The following TRRAP variants were observed in gnomAD, a reference collection of about 807,000 sequenced individuals.
TRRAP encodes the protein transformation/transcription domain-associated protein.
A neutral mutation model predicts 438.8 loss-of-function variants in TRRAP; 41 were observed. The observed-to-expected ratio is 0.09, with a 90% CI of 0.07 to 0.12. The LOEUF is 0.12. TRRAP is among the 10% of genes least tolerant of loss of function. TRRAP has a pLI of 1.00. For missense variants in TRRAP, 3,122 were observed against 5,055.1 expected (o/e 0.62, Z 11.60); for synonymous variants, 1,994 against 1,962.9 (o/e 1.02, Z -0.42).
rs145546736 is a variant in TRRAP at position 98,907,441 on chromosome 7, C to T, written c.1115+1186C>T. Among the ~76,000 whole-genome samples, 293 of 152,178 alleles carry T rather than the reference C, an allele frequency of 1.9e-3. 2 individuals carry two copies. Among genetic ancestry groups the T allele is most frequent in the South Asian group, 8.1e-3 (39 of 4,814 alleles). Reference sequence around the variant, plus strand: ...CATATTTTACTTCCAATAAGGAAGGCGTGATGGATCTTTTAAAAAATGTTT... The same window carrying T: ...CATATTTTACTTCCAATAAGGAAGGTGTGATGGATCTTTTAAAAAATGTTT... On this transcript the variant is annotated intron_variant, in intron 13 of 72. Transcript: ENST00000456197.
Position 98,930,637 on chromosome 7 carries a change from G to C in TRRAP, c.3398G>C (p.Cys1133Ser), listed in dbSNP as rs1554412631. The change falls in exon 25 of 73, where the codon TGC becomes TCC. Residue 1133 changes from cysteine (C) to serine (S), a missense_variant. This residue lies in a region of TRRAP where 153 missense variants were observed against 223.0 expected (regional missense o/e 0.69). Transcript: ENST00000456197. ...SIILGSKERA[C>S]QLPLFSYIVE... ...TTTGTTCATTTTCCTCTCCAGGCCTGCCAGCTGCCCCTGTTTTCTTACATC... is the reference window on the plus strand; with the variant it reads ...TTTGTTCATTTTCCTCTCCAGGCCTCCCAGCTGCCCCTGTTTTCTTACATC... The C allele has an allele frequency of 6.2e-7, 1 of 1,613,360 alleles. No individual in the cohort carries two copies. The highest frequency in any genetic ancestry group is 1.3e-5 in the African/African-American group (1 of 74,912).
intron 65 of TRRAP, 21 bp from the exon 66 acceptor site, chr7:98,993,517 C>T (rs1404141130): frequency 3.1e-6 from 5 of 1,605,208 alleles, no homozygotes; most frequent in African/African-American, 1.3e-5. Context: ...CTGACACTGG[C>T]GTTGTGTGTG....
rs758396439 is a variant in TRRAP at position 98,897,791 on chromosome 7, C to G, written c.558C>G (p.Pro186=). 5.0e-6 allele frequency: 8 copies of G among 1,613,912 alleles called. No individual in the cohort carries two copies. The highest frequency in any genetic ancestry group is 6.8e-6 in the Non-Finnish European group (8 of 1,179,956). Residue 186 remains proline, a synonymous_variant, in exon 8 of 73, where the codon CCC becomes CCG. Coordinates refer to ENST00000456197, the MANE Select transcript of TRRAP (RefSeq NM_001375524.1). ...PQVIPENTVP[P]PEMVGMITTI... is the part of the protein sequence containing the mutation. ...TGATCCCCGAGAACACAGTGCCTCC[C>G]CCAGAAATGGTTGGTATGATAACAA...
chr7:98,890,816 G>A (rs749243853), intron 4 of TRRAP, among the ~76,000 whole-genome samples: 1 of 129,706 alleles, frequency 7.7e-6, no homozygotes, highest in Admixed American at 8.4e-5. Context: ...AAAAGACAAG[G>A]TCTCACTCTG....
chr7:98,958,032 C>T lies in TRRAP; in HGVS notation c.6283C>T (p.Pro2095Ser). The stretch of plus-strand genomic sequence containing the variant: ...TGGAGCAGACTCTCTCCTCGCCAAG[C>T]CCATTGACAAGCAGCACACAGACAC... ...LPGADSLLAK[P>S]IDKQHTDTVV... The change falls in exon 44 of 73, where the codon CCC (proline) becomes TCC (serine). Residue 2095 changes from proline to serine, a missense_variant. Around this residue, in one of 24 missense-constraint regions of TRRAP, gnomAD observed 992 missense variants for 1,281.2 expected, o/e 0.77. Transcript: ENST00000456197. 6.2e-7 allele frequency: 1 copy of T among 1,614,200 alleles called. No individual in the cohort carries two copies.
rs562530013 is a variant in TRRAP, at chr7:98,977,064, G to C, written c.8373G>C (p.Gly2791=). The change falls in exon 56 of 73, where the codon GGG becomes GGC. Residue 2791 remains glycine, a synonymous_variant. Coordinates refer to ENST00000456197, the MANE Select transcript of TRRAP (RefSeq NM_001375524.1). ...TATAIAYEQH[G]FFEQAQESYE... ...CTGCGATTGCTTACGAGCAGCACGG[G>C]TTCTTTGAGCAGGTAAACCTCAGAC... The C allele has an allele frequency of 6.2e-7, 1 of 1,614,224 alleles. No homozygotes were observed. The highest frequency in any genetic ancestry group is 1.1e-5 in the South Asian group (1 of 91,088).
intron 10 of TRRAP, among the ~76,000 whole-genome samples, chr7:98,900,277 G>A (rs1796416748): frequency 1.3e-5 from 2 of 152,102 alleles, no homozygotes. Flanking sequence ...CAGCATCTGA[G>A]GAGGAATCTT....
chr7:98,943,671 T>C (rs529721138), intron 31 of TRRAP, among the ~76,000 whole-genome samples: 1 of 152,274 alleles, frequency 6.6e-6, no homozygotes, highest in Non-Finnish European at 1.5e-5. Flanking sequence ...CTCTTAAGAA[T>C]GCATGCTTTC....
intron 29 of TRRAP, 40 bp downstream of exon 29, chr7:98,937,317 CACACACATGTGTGTGT>C (rs1554414512): frequency 1.9e-6 from 3 of 1,593,368 alleles, no homozygotes; most frequent in Admixed American, 3.6e-5. Flanking sequence ...CGCGTGTGTG[CACACACATGTGTGTGT>C]ACTCTGCATT....
At chr7:98,898,945 C>G (rs1042968237) in intron 8 of TRRAP, among the ~76,000 whole-genome samples, 4 of 152,130 alleles carry the variant, frequency 2.6e-5, no homozygotes, top group Non-Finnish European at 4.4e-5. Flanking sequence ...CCCAGCACTT[C>G]GGGAGACCAA....
At chr7:98,997,013 G>T (rs769471627) in intron 67 of TRRAP, among the ~76,000 whole-genome samples, 18 of 152,002 alleles carry the variant, frequency 1.2e-4, no homozygotes, top group Non-Finnish European at 2.2e-4. Context: ...TACAAAAAAA[G>T]AGTATGTTCT....
At chr7:98,982,426 G>T (rs1343138385) in intron 59 of TRRAP, among the ~76,000 whole-genome samples, 1 of 152,202 alleles carries the variant, frequency 6.6e-6, no homozygotes, top group Non-Finnish European at 1.5e-5. Flanking sequence ...TGAACTAAGT[G>T]TTATGTTTAG....
At position 99,005,918 on chromosome 7, in the gene TRRAP, C is replaced by T. The variant is rs1438126776; in HGVS notation, c.10753+570C>T. 6.6e-6 allele frequency among the ~76,000 whole-genome samples: 1 copy of T among 152,124 alleles called. No individual in the cohort carries two copies. On this transcript the variant is annotated intron_variant, in intron 69 of 72. Transcript: ENST00000456197. The surrounding 1 kb of genome is among the most constrained non-coding windows in gnomAD (Gnocchi z 5.1). ...GCTGGGAGGAGAAGTGAAACCACCCCGGCCGAGCCTGGGCGCCAGCGAGGC... is the reference window on the plus strand; with the variant it reads ...GCTGGGAGGAGAAGTGAAACCACCCTGGCCGAGCCTGGGCGCCAGCGAGGC...
chr7:98,964,607 C>T (rs1792069073), intron 47 of TRRAP, 22 bp from the exon 48 acceptor site: 2 of 1,603,714 alleles, frequency 1.2e-6, no homozygotes, highest in African/African-American at 1.3e-5. Context: ...CTGTGAAACA[C>T]TTGGCAATTT....
intron 56 of TRRAP, among the ~76,000 whole-genome samples, chr7:98,977,469 A>AT (rs1490263206): frequency 6.6e-6 from 1 of 152,190 alleles, no homozygotes; most frequent in African/African-American, 2.4e-5. Flanking sequence ...CATAGTTCAC[A>AT]TTTAAATACG....
At chr7:98,973,927 TC>T (rs1473539494) in intron 53 of TRRAP, among the ~76,000 whole-genome samples, 1 of 152,198 alleles carries the variant, frequency 6.6e-6, no homozygotes, top group African/African-American at 2.4e-5. Context: ...ATTTAATTCT[TC>T]CCTTCTCCTT....
intron 43 of TRRAP, 126 bp from the exon 44 acceptor site, chr7:98,957,855 C>T: frequency 1.3e-6 from 1 of 779,306 alleles, no homozygotes; most frequent in East Asian, 2.7e-5. Context: ...TTTGGTATCC[C>T]CAGCGCCCAG....
Position 98,961,300 on chromosome 7 carries a change from G to A in TRRAP, c.6529G>A (p.Gly2177Ser). The A allele has an allele frequency of 6.2e-7, 1 of 1,614,166 alleles. No homozygotes were observed. The highest frequency in any genetic ancestry group is 8.5e-7 in the Non-Finnish European group (1 of 1,180,026). ...AGTGAACTATGGGAATATCTGCACG[G>A]GCCTAGAAGTGCTGAGCTTCCTGCT... ...NQVNYGNICT[G>S]LEVLSFLLTV... The change falls in exon 46 of 73, where the codon GGC (glycine) becomes AGC (serine). Residue 2177 changes from glycine to serine, a missense_variant. Gly to Ser is a moderately conservative substitution (Grantham distance 56). This residue lies in a region of TRRAP where 992 missense variants were observed against 1,281.2 expected (regional missense o/e 0.77). Transcript: ENST00000456197.
chr7:98,944,358 T>TA (rs201672428), intron 31 of TRRAP, among the ~76,000 whole-genome samples: 21 of 151,644 alleles, frequency 1.4e-4, no homozygotes, highest in South Asian at 8.4e-4. Flanking sequence ...TGTAGCCTAG[T>TA]AAAAAAAAAT....
Sources: gnomAD v4.1 joint callset for allele counts (sites outside exome capture counted in the v4.1 genomes callset) on GRCh38, gnomAD v4.1.1 for gene constraint, gnomAD v4.1.1 regional missense constraint, Gnocchi (gnomAD v3.1) non-coding constraint, MANE v1.5 for transcripts, NCBI Gene and HGNC (gene_info 2026-07-23, HGNC 2026-07-21) for gene names.